The following SMO variants were observed in gnomAD, a reference collection of about 807,000 sequenced individuals.
SMO encodes the protein protein smoothened.
In SMO, 40 loss-of-function variants were observed where a neutral mutation model predicts 81.6. The ratio of observed to expected loss-of-function variants is 0.49; its 90% CI spans 0.38 to 0.64. The LOEUF (loss-of-function observed/expected upper bound fraction) is 0.64, where lower values mean the gene tolerates loss of function less well. SMO is among the 30% of genes least tolerant of loss of function. The probability of loss-of-function intolerance (pLI) is 0.00; values close to 1 mark genes in which losing one functional copy is unlikely to be tolerated. For missense variants in SMO, 916 were observed against 1,061.1 expected (o/e 0.86, Z 1.90); for synonymous variants, 434 against 432.1 (o/e 1.00, Z -0.05).
At chr7:129,207,957 A>G (rs181671404) in intron 6 of SMO, among the ~76,000 whole-genome samples, 1 of 152,268 alleles carries the variant, frequency 6.6e-6, no homozygotes, top group Admixed American at 6.5e-5. Flanking sequence ...AAAATGTGAA[A>G]TACACACTGT....
chr7:129,198,878 A>G (rs1352163849), intron 1 of SMO, among the ~76,000 whole-genome samples: 2 of 152,250 alleles, frequency 1.3e-5, no homozygotes, highest in Non-Finnish European at 2.9e-5. Context: ...TTGTTAAGCA[A>G]CATGTGACTA....
At chr7:129,203,259 T>C (rs576444891) in intron 1 of SMO, 125 bp from the exon 2 acceptor site, 7 of 700,704 alleles carry the variant, frequency 1.0e-5, no homozygotes, top group Admixed American at 7.2e-5. Context: ...TGAGAAACAC[T>C]GTACCTGCCA....
Position 129,210,224 on chromosome 7 carries a change from G to A in SMO, c.1467-139G>A. 1.5e-6 allele frequency: 1 copy of A among 665,068 alleles called. No individual in the cohort carries two copies. The highest frequency in any genetic ancestry group is 1.9e-5 in the South Asian group (1 of 53,062). 41.2% of individuals were successfully genotyped at this position (665,068 alleles called of 1,614,324 possible). ...GGGAGGCTGAAGCAGGAGATTGCCT[G>A]AGCCCAGGAGTTGGAAGCTGCAGTG... is the stretch of plus-strand genomic sequence containing the variant. On this transcript the variant is annotated intron_variant, in intron 8 of 11. Coordinates refer to ENST00000249373, the MANE Select transcript of SMO (RefSeq NM_005631.5). This position sits in a 1 kb window ranked among gnomAD's most constrained non-coding sequence, Gnocchi z 4.7.
At chr7:129,191,319 C>T (rs1456609013) in intron 1 of SMO, among the ~76,000 whole-genome samples, 1 of 152,240 alleles carries the variant, frequency 6.6e-6, no homozygotes, top group Non-Finnish European at 1.5e-5. Context: ...TAAGCTGGAA[C>T]ATGTATCAAT....
In SMO at chr7:129,213,139, C is replaced by G. The variant is rs1793907950; in HGVS notation, c.*688C>G. Reference sequence around the variant, plus strand: ...GCGTTTCCTTTTTGTTGATGAGGACCCAGAGCTGCTGCACACACTCACCTC... The same window carrying G: ...GCGTTTCCTTTTTGTTGATGAGGACGCAGAGCTGCTGCACACACTCACCTC... On this transcript the variant is annotated 3_prime_UTR_variant, in exon 12 of 12. Transcript: ENST00000249373. The G allele has an allele frequency of 4.3e-6, 1 of 234,898 alleles. No individual in the cohort carries two copies. The highest frequency in any genetic ancestry group is 8.4e-6 in the Non-Finnish European group (1 of 119,396). 14.6% of individuals were successfully genotyped at this position (234,898 alleles called of 1,614,324 possible).
chr7:129,210,412 G>A lies in SMO; in HGVS notation c.1516G>A (p.Asp506Asn), dbSNP rs2150653737. The A allele has an allele frequency of 6.2e-7, 1 of 1,614,202 alleles. No homozygotes were observed. The highest frequency in any genetic ancestry group is 1.6e-4 in the Middle Eastern group (1 of 6,062). ...GCTGCCCACCAAGCAGCCCATCCCTGACTGTGAGATCAAGAATCGCCCGAG... is the reference window on the plus strand; with the variant it reads ...GCTGCCCACCAAGCAGCCCATCCCTAACTGTGAGATCAAGAATCGCCCGAG... ...IGLPTKQPIP[D>N]CEIKNRPSLL... Residue 506 changes from aspartate (D) to asparagine (N), a missense_variant, in exon 9 of 12, where the codon GAC becomes AAC. Around this residue, in one of 4 missense-constraint regions of SMO, gnomAD observed 436 missense variants for 570.9 expected, o/e 0.76. Coordinates refer to ENST00000249373, the MANE Select transcript of SMO (RefSeq NM_005631.5). This position sits in a 1 kb window ranked among gnomAD's most constrained non-coding sequence, Gnocchi z 4.7.
At chr7:129,209,419 G>A (rs749172016) in intron 8 of SMO, 22 bp downstream of exon 8, 96 of 1,518,104 alleles carry the variant, frequency 6.3e-5, no homozygotes, top group Non-Finnish European at 7.3e-5. Context: ...GCATGGAGGC[G>A]GCAGTGCTGG....
chr7:129,209,213 G>A (rs1439311482), intron 7 of SMO, 76 bp from the exon 8 acceptor site: 8 of 869,934 alleles, frequency 9.2e-6, no homozygotes, highest in Non-Finnish European at 1.6e-5. Context: ...AGGCCCAGTG[G>A]GGCAGACTCT....
At chr7:129,199,731 T>C (rs1014682253) in intron 1 of SMO, among the ~76,000 whole-genome samples, 1 of 151,958 alleles carries the variant, frequency 6.6e-6, no homozygotes, top group African/African-American at 2.4e-5. Context: ...TGTGAGACCC[T>C]ATCTCAAAAA....
In SMO at chr7:129,203,576, C is replaced by G. The variant is rs755992889; in HGVS notation, c.524C>G (p.Pro175Arg). The G allele has an allele frequency of 2.5e-6, 4 of 1,600,502 alleles. No homozygotes were observed. In the East Asian group the frequency reaches 8.9e-5, roughly 36 times the overall value. The change falls in exon 2 of 12, where the codon CCT becomes CGT. Residue 175 changes from proline (P) to arginine (R), a missense_variant. Physicochemically the swap from Pro to Arg is moderately radical, Grantham distance 103 (BLOSUM62 -2). Around this residue, in one of 4 missense-constraint regions of SMO, gnomAD observed 436 missense variants for 570.9 expected, o/e 0.76. Coordinates refer to ENST00000249373, the MANE Select transcript of SMO (RefSeq NM_005631.5). ...CTGCGCTGCACTCCTGACCGCTTCC[C>G]TGAAGGCTGCACGGTGAGTGCTCTG... Reference protein sequence around the residue: ...DFLRCTPDRFPEGCTNEVQNI... With the variant: ...DFLRCTPDRFREGCTNEVQNI...
At position 129,203,638 on chromosome 7, in the gene SMO, C is replaced by A. The variant is rs372953204; in HGVS notation, c.537+49C>A. The A allele has an allele frequency of 2.7e-6, 4 of 1,468,760 alleles. No homozygotes were observed. The African/African-American group carries it at 4.1e-5, about 15-fold the overall frequency. 91.0% of individuals were successfully genotyped at this position (1,468,760 alleles called of 1,614,324 possible). A position where few individuals can be genotyped will look rare whatever the true frequency, so the allele number is the denominator to read the frequency against. On this transcript the variant is annotated intron_variant, in intron 2 of 11. Coordinates refer to ENST00000249373, the MANE Select transcript of SMO (RefSeq NM_005631.5). ...CCAGGCTCTCTGGGTTGGGCAGGAC[C>A]GGGTATAGGGCAGGGTCCAGTGGGG...
At position 129,212,662 on chromosome 7, in the gene SMO, G is replaced by A. The variant is rs966310577; in HGVS notation, c.*211G>A. ...ATGGGGAGGCCTCACCCCAGGGACA[G>A]GGCCCTGGAGCTCAGGGTCCTTGTT... On this transcript the variant is annotated 3_prime_UTR_variant, in exon 12 of 12. Coordinates refer to ENST00000249373, the MANE Select transcript of SMO (RefSeq NM_005631.5). This position sits in a 1 kb window ranked among gnomAD's most constrained non-coding sequence, Gnocchi z 5.0. 13 of 588,726 alleles carry A rather than the reference G, an allele frequency of 2.2e-5. No homozygotes were observed. Among genetic ancestry groups the A allele is most frequent in the Non-Finnish European group, 3.6e-5 (12 of 333,994 alleles). The allele number at this position is 588,726 out of a possible 1,614,324, so 36.5% of individuals were successfully genotyped here. A position where few individuals can be genotyped will look rare whatever the true frequency, so the allele number is the denominator to read the frequency against.
intron 1 of SMO, among the ~76,000 whole-genome samples, chr7:129,194,357 G>T (rs1197363034): frequency 1.3e-5 from 2 of 152,080 alleles, no homozygotes; most frequent in Non-Finnish European, 2.9e-5. Context: ...CATGTGTTCT[G>T]TGCCAGCTCA....
chr7:129,210,610 C>A lies in SMO; in HGVS notation c.1652+62C>A. 2 of 1,397,312 alleles carry A rather than the reference C, an allele frequency of 1.4e-6. No individual in the cohort carries two copies. Among genetic ancestry groups the A allele is most frequent in the East Asian group, 2.3e-5 (1 of 43,668 alleles). The allele number at this position is 1,397,312 out of a possible 1,614,324, so 86.6% of individuals were successfully genotyped here. On this transcript the variant is annotated intron_variant, in intron 9 of 11. Coordinates refer to ENST00000249373, the MANE Select transcript of SMO (RefSeq NM_005631.5). This position sits in a 1 kb window ranked among gnomAD's most constrained non-coding sequence, Gnocchi z 4.7. The stretch of plus-strand genomic sequence containing the variant: ...CTCACCCTCAGCCTTGGGACCCCAT[C>A]TTTAGGTTTTGTCGGGTCCTGCCTC...
chr7:129,211,816 G>A lies in SMO; in HGVS notation c.1936+46G>A, dbSNP rs776535013. On this transcript the variant is annotated intron_variant, in intron 11 of 11. Coordinates refer to ENST00000249373, the MANE Select transcript of SMO (RefSeq NM_005631.5). This position sits in a 1 kb window ranked among gnomAD's most constrained non-coding sequence, Gnocchi z 4.6. Reference sequence around the variant, plus strand: ...GGAGGAAGGTGGGGGGAGCACAGAGGCTGGGGGCTTCTGGGACTGGAGTAC... The same window carrying A: ...GGAGGAAGGTGGGGGGAGCACAGAGACTGGGGGCTTCTGGGACTGGAGTAC... 1 of 1,611,708 alleles carries A rather than the reference G, an allele frequency of 6.2e-7. No homozygotes were observed. Among genetic ancestry groups the A allele is most frequent in the Non-Finnish European group, 8.5e-7 (1 of 1,178,186 alleles).
Position 129,205,719 on chromosome 7 carries a change from T to G in SMO, c.857T>G (p.Met286Arg), listed in dbSNP as rs759508731. 1 of 1,612,534 alleles carries G rather than the reference T, an allele frequency of 6.2e-7. No homozygotes were observed. The highest frequency in any genetic ancestry group is 8.5e-7 in the Non-Finnish European group (1 of 1,180,012). The stretch of plus-strand genomic sequence containing the variant: ...AGCATTGGCTGGCTGGCCCAGTTCA[T>G]GGATGGTGCCCGCCGAGAGATCGTC... ...VGSIGWLAQF[M>R]DGARREIVCR... The change falls in exon 4 of 12, where the codon ATG (methionine) becomes AGG (arginine). Residue 286 changes from methionine (M) to arginine (R), a missense_variant. Transcript: ENST00000249373.
rs1793444191 is a variant in SMO, at chr7:129,189,228, C to T, written c.77C>T (p.Pro26Leu). The T allele has an allele frequency of 2.5e-6, 3 of 1,177,690 alleles. No individual in the cohort carries two copies. Among genetic ancestry groups the T allele is most frequent in the Admixed American group, 4.3e-5 (1 of 23,044 alleles). 73.0% of individuals were successfully genotyped at this position (1,177,690 alleles called of 1,614,324 possible). A position where few individuals can be genotyped will look rare whatever the true frequency, so the allele number is the denominator to read the frequency against. ...CTGCTGCTGCTGCTGCTGGGGGACC[C>T]GGGCCGGGGGGCGGCCTCGAGCGGG... Reference protein sequence around the residue: ...GLLLLLLLGDPGRGAASSGNA... With the variant: ...GLLLLLLLGDLGRGAASSGNA... Residue 26 changes from proline (P) to leucine (L), a missense_variant, in exon 1 of 12, where the codon CCG becomes CTG. Physicochemically the swap from Pro to Leu is moderately conservative, Grantham distance 98. Transcript: ENST00000249373. This position sits in a 1 kb window ranked among gnomAD's most constrained non-coding sequence, Gnocchi z 4.7.
rs1239483829 is a variant in SMO, at chr7:129,212,104, A to G, written c.2017A>G (p.Lys673Glu). 6.3e-7 allele frequency: 1 copy of G among 1,576,794 alleles called. No individual in the cohort carries two copies. The highest frequency in any genetic ancestry group is 8.6e-7 in the Non-Finnish European group (1 of 1,163,522). ...PELQKRLGRK[K>E]KRRKRKKEVC... The stretch of plus-strand genomic sequence containing the variant: ...GCTGCAGAAGCGCCTGGGCCGGAAG[A>G]AGAAGAGGAGGAAGAGGAAGAAGGA... Residue 673 changes from lysine (K) to glutamate (E), a missense_variant, in exon 12 of 12, where the codon AAG (lysine) becomes GAG (glutamate). Physicochemically the swap from Lys to Glu is moderately conservative, Grantham distance 56 (BLOSUM62 1). Around this residue, in one of 4 missense-constraint regions of SMO, gnomAD observed 324 missense variants for 312.9 expected, o/e 1.04. Coordinates refer to ENST00000249373, the MANE Select transcript of SMO (RefSeq NM_005631.5). This position sits in a 1 kb window ranked among gnomAD's most constrained non-coding sequence, Gnocchi z 5.0.
chr7:129,212,347 GCCC>G lies in SMO; in HGVS notation c.2263_2265del (p.Pro755del), dbSNP rs1793889575. 6.2e-7 allele frequency: 1 copy of G among 1,613,966 alleles called. No homozygotes were observed. The highest frequency in any genetic ancestry group is 1.3e-5 in the African/African-American group (1 of 74,930). ...GGATCCATTTCTGCCCAGTGCACCG[GCCC>G]CCGTGGCATGGGCTCATGGCCGCCG... On this transcript the variant is annotated inframe_deletion, in exon 12 of 12. Coordinates refer to ENST00000249373, the MANE Select transcript of SMO (RefSeq NM_005631.5). The surrounding 1 kb of genome is among the most constrained non-coding windows in gnomAD (Gnocchi z 5.0).
Sources: gnomAD v4.1 joint callset for allele counts (sites outside exome capture counted in the v4.1 genomes callset) on GRCh38, gnomAD v4.1.1 for gene constraint, gnomAD v4.1.1 regional missense constraint, Gnocchi (gnomAD v3.1) non-coding constraint, MANE v1.5 for transcripts, NCBI Gene and HGNC (gene_info 2026-07-23, HGNC 2026-07-21) for gene names.